RIN2: variants seen among roughly 807,000 people sequenced by gnomAD.
RIN2 encodes RAB5 interacting protein 2.
A neutral mutation model predicts 78.0 loss-of-function variants in RIN2; 36 were observed. That is an observed-to-expected ratio of 0.46 (90% CI 0.35 to 0.61). The LOEUF (loss-of-function observed/expected upper bound fraction) is 0.61. Among genes scored for constraint, RIN2 ranks in the 20% least tolerant of loss-of-function variants. The pLI is 0.00. For synonymous variants in RIN2, 466 were observed against 466.8 expected, an observed-to-expected ratio of 1.00 and a Z score of 0.02; for missense variants, 1,087 against 1,159.7, an observed-to-expected ratio of 0.94 and a Z score of 0.91.
rs769675977 is a variant in RIN2 at position 19,816,446 on chromosome 20, T to C, written c.-37+16699T>C. On this transcript the variant is annotated intron_variant, in intron 2 of 12. Coordinates refer to ENST00000255006, the MANE Select transcript of RIN2 (RefSeq NM_018993.4). ...TAAAGGCTCTATAAGTTTAAGGAAT[T>C]GGAGCAGTTTAAGAGCAGGGACAAA... Among the ~76,000 whole-genome samples, 3 of 152,144 alleles carry C rather than the reference T, an allele frequency of 2.0e-5. No individual in the cohort carries two copies. The East Asian group carries it at 5.8e-4, about 29-fold the overall frequency.
At chr20:19,772,853 A>G (rs1192229154) in intron 1 of RIN2, among the ~76,000 whole-genome samples, 1 of 152,150 alleles carries the variant, frequency 6.6e-6, no homozygotes, top group Non-Finnish European at 1.5e-5. Flanking sequence ...GGAAGCCACA[A>G]TTCACTCCTG....
chr20:19,899,630 C>T (rs140888476), intron 3 of RIN2, among the ~76,000 whole-genome samples: 3 of 152,270 alleles, frequency 2.0e-5, no homozygotes, highest in African/African-American at 7.2e-5. Flanking sequence ...GAAGGCTTGA[C>T]TGGTGAGGAA....
At chr20:19,771,992 C>T (rs1042924580) in intron 1 of RIN2, among the ~76,000 whole-genome samples, 3 of 152,166 alleles carry the variant, frequency 2.0e-5, no homozygotes, top group Non-Finnish European at 4.4e-5. Flanking sequence ...TACCAAGCCA[C>T]CTGCATGCCG....
intron 2 of RIN2, among the ~76,000 whole-genome samples, chr20:19,853,871 C>T (rs1428456287): frequency 1.9e-4 from 29 of 152,146 alleles, no homozygotes; most frequent in Admixed American, 1.6e-3. Flanking sequence ...TGTGCAGAAG[C>T]TCTTTAGTTT....
intron 10 of RIN2, among the ~76,000 whole-genome samples, chr20:19,991,834 G>C (rs532637961): frequency 6.6e-6 from 1 of 152,302 alleles, no homozygotes; most frequent in East Asian, 1.9e-4. Flanking sequence ...TATTTTGTAA[G>C]CATTTTATAA....
intron 4 of RIN2, chr20:19,935,543 G>A (rs920283986): frequency 1.4e-5 from 15 of 1,037,694 alleles, no homozygotes; most frequent in South Asian, 4.4e-5. Flanking sequence ...CAGTGTAGCC[G>A]TGTGAGTCTC....
At chr20:19,903,167 A>G (rs1236893590) in intron 3 of RIN2, among the ~76,000 whole-genome samples, 3 of 152,198 alleles carry the variant, frequency 2.0e-5, no homozygotes, top group Admixed American at 6.5e-5. Flanking sequence ...GAGTAACTCT[A>G]CAGGAGGGCT....
chr20:19,889,423 A>G (rs1404714982), intron 2 of RIN2, 143 bp from the exon 3 acceptor site: 4 of 1,121,862 alleles, frequency 3.6e-6, no homozygotes, highest in East Asian at 3.0e-5. Flanking sequence ...CTGAAGGGAG[A>G]TGTAAGGCCT....
At chr20:19,986,034 A>C (rs1437763339) in intron 9 of RIN2, among the ~76,000 whole-genome samples, 3 of 152,208 alleles carry the variant, frequency 2.0e-5, no homozygotes, top group Non-Finnish European at 4.4e-5. Context: ...CTGAGAGTTT[A>C]AAAGGTTTTG....
At chr20:19,794,474 T>C (rs900950777) in intron 1 of RIN2, among the ~76,000 whole-genome samples, 3 of 147,992 alleles carry the variant, frequency 2.0e-5, no homozygotes, top group Admixed American at 6.9e-5. Flanking sequence ...GGAGGTTGCC[T>C]TGAGCCAAAA....
At chr20:19,891,533 T>C (rs1600711874) in intron 3 of RIN2, among the ~76,000 whole-genome samples, 1 of 152,090 alleles carries the variant, frequency 6.6e-6, no homozygotes, top group South Asian at 2.1e-4. Flanking sequence ...AAGAAGAAAA[T>C]GGAGGCCAGC....
intron 3 of RIN2, among the ~76,000 whole-genome samples, chr20:19,927,857 C>A (rs1262146072): frequency 6.6e-6 from 1 of 151,986 alleles, no homozygotes; most frequent in African/African-American, 2.4e-5. Flanking sequence ...GCCAAGAGAT[C>A]ATTTAAATAG....
At chr20:19,842,165 C>T (rs2036596003) in intron 2 of RIN2, among the ~76,000 whole-genome samples, 1 of 152,136 alleles carries the variant, frequency 6.6e-6, no homozygotes, top group Non-Finnish European at 1.5e-5. Flanking sequence ...ACAATTGGAA[C>T]TGTAAAGCCT....
chr20:20,001,172 G>A lies in RIN2; in HGVS notation c.*236G>A. The stretch of plus-strand genomic sequence containing the variant: ...TGGAGAATTGCATCTGATGGTTCAA[G>A]TGTCCTGAGATTGTTTGCTACCTAC... On this transcript the variant is annotated 3_prime_UTR_variant, in exon 13 of 13. Coordinates refer to ENST00000255006, the MANE Select transcript of RIN2 (RefSeq NM_018993.4). The A allele has an allele frequency of 1.9e-6, 1 of 517,960 alleles. No homozygotes were observed. Among genetic ancestry groups the A allele is most frequent in the South Asian group, 2.8e-5 (1 of 35,634 alleles). The allele number at this position is 517,960 out of a possible 1,614,324, so 32.1% of individuals were successfully genotyped here.
intron 1 of RIN2, among the ~76,000 whole-genome samples, chr20:19,783,074 G>GC (rs1345148806): frequency 6.6e-6 from 1 of 152,194 alleles, no homozygotes; most frequent in Non-Finnish European, 1.5e-5. Flanking sequence ...TCTCTTGAGT[G>GC]CCCCACGTTG....
chr20:19,886,176 G>A (rs1424612410), intron 2 of RIN2, among the ~76,000 whole-genome samples: 1 of 152,224 alleles, frequency 6.6e-6, no homozygotes, highest in African/African-American at 2.4e-5. Flanking sequence ...CGGGGACTCT[G>A]TGTTTCAACC....
intron 2 of RIN2, chr20:19,871,876 G>A (rs2123370099): frequency 6.6e-6 from 1 of 152,290 alleles, no homozygotes; most frequent in South Asian, 2.1e-4. Flanking sequence ...CTAAGATTTA[G>A]GAATTGTGGA....
At chr20:19,899,364 A>G (rs1808246440) in intron 3 of RIN2, among the ~76,000 whole-genome samples, 1 of 152,238 alleles carries the variant, frequency 6.6e-6, no homozygotes, top group Admixed American at 6.5e-5. Flanking sequence ...TGGATGGAGA[A>G]TAATTTCCCA....
intron 3 of RIN2, among the ~76,000 whole-genome samples, chr20:19,891,126 A>G (rs897785812): frequency 6.6e-6 from 1 of 152,232 alleles, no homozygotes; most frequent in East Asian, 1.9e-4. Context: ...GAGTTACGTT[A>G]TGTTGACACA....
Sources: allele counts gnomAD v4.1 joint callset (sites outside exome capture counted in the v4.1 genomes callset), GRCh38; gene constraint gnomAD v4.1.1; transcripts MANE v1.5; gene names NCBI Gene and HGNC (gene_info 2026-07-23, HGNC 2026-07-21).